DLEC1: variants seen among roughly 807,000 people sequenced by gnomAD.
DLEC1 encodes the protein deleted in lung and esophageal cancer protein 1.
A neutral mutation model predicts 198.1 loss-of-function variants in DLEC1; 146 were observed. The observed-to-expected ratio is 0.74, with a 90% CI of 0.64 to 0.85. The LOEUF (loss-of-function observed/expected upper bound fraction) is 0.85, where lower values mean the gene tolerates loss of function less well. DLEC1 is among the 40% of genes least tolerant of loss of function. The probability of loss-of-function intolerance (pLI) is 0.00; values close to 1 mark genes in which losing one functional copy is unlikely to be tolerated. For missense variants in DLEC1, 2,233 were observed against 2,220.0 expected, an observed-to-expected ratio of 1.01 and a Z score of -0.12; for synonymous variants, 897 against 866.8, an observed-to-expected ratio of 1.03 and a Z score of -0.61.
rs771910161 is a variant in DLEC1, at chr3:38,085,322, A to C, written c.1310A>C (p.Gln437Pro). The change falls in exon 8 of 37, where the codon CAG becomes CCG. Residue 437 changes from glutamine to proline, a missense_variant. Transcript: ENST00000308059. ...GGMVAPGMTC[Q>P]YIVQFFPDCL... Reference sequence around the variant, plus strand: ...ATGGTGGCTCCTGGAATGACCTGCCAGTACATTGTCCAGTTTTTTCCCGAC... The same window carrying C: ...ATGGTGGCTCCTGGAATGACCTGCCCGTACATTGTCCAGTTTTTTCCCGAC... 6.2e-7 allele frequency: 1 copy of C among 1,614,146 alleles called. No homozygotes were observed. Among genetic ancestry groups the C allele is most frequent in the Admixed American group, 1.7e-5 (1 of 60,026 alleles).
chr3:38,047,640 G>C (rs1700939909), intron 2 of DLEC1, among the ~76,000 whole-genome samples: 1 of 152,094 alleles, frequency 6.6e-6, no homozygotes, highest in Non-Finnish European at 1.5e-5. Context: ...TCTGTAATTA[G>C]TTCTAGAGAC....
intron 23 of DLEC1, 138 bp from the exon 24 acceptor site, chr3:38,111,539 C>G (rs1021001810): frequency 1.3e-6 from 1 of 751,134 alleles, no homozygotes; most frequent in African/African-American, 1.8e-5. Context: ...AACTGACCAG[C>G]TCTCCCCTGG....
chr3:38,067,354 G>A (rs1384578804), intron 6 of DLEC1, among the ~76,000 whole-genome samples: 2 of 152,220 alleles, frequency 1.3e-5, no homozygotes, highest in East Asian at 1.9e-4. Flanking sequence ...GTGGTACCAA[G>A]AGATCCAACA....
chr3:38,044,006 T>A (rs181890423), intron 1 of DLEC1, among the ~76,000 whole-genome samples: 1 of 152,256 alleles, frequency 6.6e-6, no homozygotes, highest in East Asian at 1.9e-4. Context: ...TGGTGGCTTG[T>A]GCCTGTAATC....
At chr3:38,108,630 G>A in intron 21 of DLEC1, 115 bp downstream of exon 21, 3 of 819,140 alleles carry the variant, frequency 3.7e-6, no homozygotes, top group South Asian at 3.1e-5. Flanking sequence ...TGTGGGTGGG[G>A]AAGAGATTTC....
chr3:38,055,911 A>G (rs1330494241), intron 2 of DLEC1, among the ~76,000 whole-genome samples: 2 of 152,218 alleles, frequency 1.3e-5, no homozygotes, highest in Non-Finnish European at 2.9e-5. Flanking sequence ...CTAAATGCCC[A>G]GTGAAGGAAA....
chr3:38,096,171 G>A (rs1699006996), intron 14 of DLEC1, among the ~76,000 whole-genome samples: 1 of 152,184 alleles, frequency 6.6e-6, no homozygotes, highest in South Asian at 2.1e-4. Context: ...AGGAACTTTG[G>A]AGCTGTGCCC....
chr3:38,111,725 C>A lies in DLEC1; in HGVS notation c.3492C>A (p.His1164Gln). The A allele has an allele frequency of 6.2e-7, 1 of 1,613,036 alleles. No individual in the cohort carries two copies. Among genetic ancestry groups the A allele is most frequent in the South Asian group, 1.1e-5 (1 of 91,018 alleles). Residue 1164 changes from histidine (H) to glutamine (Q), a missense_variant, in exon 24 of 37, where the codon CAC becomes CAA. Physicochemically the swap from His to Gln is conservative, Grantham distance 24. Transcript: ENST00000308059. ...ALLKTVRMQEHLAKREQLDFM... is the reference protein window; with the variant it reads ...ALLKTVRMQEQLAKREQLDFM... ...TAAAGACAGTGCGGATGCAAGAGCA[C>A]CTGGCCAAGCGAGAGCAGCTGGGTA...
intron 2 of DLEC1, among the ~76,000 whole-genome samples, chr3:38,057,414 C>T (rs765015624): frequency 4.5e-4 from 69 of 152,050 alleles, no homozygotes; most frequent in Non-Finnish European, 2.2e-4. Flanking sequence ...AGCGCTTGAA[C>T]CCAGGAAGCA....
Position 38,039,270 on chromosome 3 carries a change from G to A in DLEC1, c.45G>A (p.Arg15=), listed in dbSNP as rs375716356. ...SSKTRRSLAS[R]TNECQGTMWA... ...AAACGCGGAGGTCTTTAGCGTCCCG[G>A]ACCAACGAGTGCCAGGGGACAATGT... Residue 15 remains arginine, a synonymous_variant, in exon 1 of 37, where the codon CGG becomes CGA. Transcript: ENST00000308059. The A allele has an allele frequency of 1.2e-6, 2 of 1,613,848 alleles. No homozygotes were observed. Among genetic ancestry groups the A allele is most frequent in the South Asian group, 2.2e-5 (2 of 91,060 alleles).
intron 6 of DLEC1, among the ~76,000 whole-genome samples, chr3:38,076,606 G>A (rs1239707765): frequency 6.6e-6 from 1 of 152,080 alleles, no homozygotes; most frequent in Non-Finnish European, 1.5e-5. Flanking sequence ...CTTTTGTGGT[G>A]GAATGTCATC....
At chr3:38,081,895 AC>A (rs1231981892) in intron 6 of DLEC1, among the ~76,000 whole-genome samples, 190 of 64,214 alleles carry the variant, frequency 3.0e-3, no homozygotes, top group African/African-American at 6.7e-3. Flanking sequence ...CGGGGGGCTG[AC>A]CCCCCCCCAC....
rs1559430812 is a variant in DLEC1 at position 38,084,548 on chromosome 3, A to AGTAGTGGTTGTG, written c.1261+305_1261+306insAGTGGTTGTGGT. Among the ~76,000 whole-genome samples, 3 of 1,406 alleles carry AGTAGTGGTTGTG rather than the reference A, an allele frequency of 2.1e-3. 1 individual carries two copies. The highest frequency in any genetic ancestry group is 0.062 in the South Asian group (2 of 32). The allele number at this position is 1,406 out of a possible 152,430, so 0.9% of individuals were successfully genotyped here. ...TAGTAGTAGTGGTGGTGGTAGTAGT[A>AGTAGTGGTTGTG]GTGGTAGTAGTAGTGGTAGTAGTAG... On this transcript the variant is annotated intron_variant, in intron 7 of 36. Coordinates refer to ENST00000308059, the MANE Select transcript of DLEC1 (RefSeq NM_007335.4).
At chr3:38,093,909 C>T (rs1264114523) in intron 12 of DLEC1, 142 bp downstream of exon 12, 3 of 1,061,338 alleles carry the variant, frequency 2.8e-6, no homozygotes, top group Non-Finnish European at 4.1e-6. Flanking sequence ...TTGAGGGATC[C>T]AGATTGACCC....
chr3:38,122,519 C>T lies in DLEC1; in HGVS notation c.*107C>T, dbSNP rs1177944127. ...AGACACAGACTTGGGGACCTGGGGA[C>T]CTCTGGGCAGCTCCTGGAATGGAAG... On this transcript the variant is annotated 3_prime_UTR_variant, in exon 37 of 37. Transcript: ENST00000308059. The T allele has an allele frequency of 1.3e-5, 21 of 1,611,894 alleles. No individual in the cohort carries two copies. In the Admixed American group the frequency reaches 3.5e-4, roughly 27 times the overall value.
chr3:38,094,317 A>G (rs1435946342), intron 12 of DLEC1, among the ~76,000 whole-genome samples: 2 of 152,158 alleles, frequency 1.3e-5, no homozygotes, highest in Non-Finnish European at 1.5e-5. Flanking sequence ...GGGACCCCAG[A>G]CATTACACAG....
Position 38,053,023 on chromosome 3 carries a change from C to T in DLEC1, c.563-6719C>T, listed in dbSNP as rs552117128. Among the ~76,000 whole-genome samples, 18 of 152,340 alleles carry T rather than the reference C, an allele frequency of 1.2e-4. No homozygotes were observed. The East Asian group carries it at 1.7e-3, about 15-fold the overall frequency. ...GCCGGGCTGGTCTCCAGCTCCTAACCGCGAGTGATCTGCCAGCCTCGGCCT... is the reference window on the plus strand; with the variant it reads ...GCCGGGCTGGTCTCCAGCTCCTAACTGCGAGTGATCTGCCAGCCTCGGCCT... On this transcript the variant is annotated intron_variant, in intron 2 of 36. Coordinates refer to ENST00000308059, the MANE Select transcript of DLEC1 (RefSeq NM_007335.4).
chr3:38,085,897 G>A (rs1038065375), intron 8 of DLEC1, among the ~76,000 whole-genome samples: 5 of 152,150 alleles, frequency 3.3e-5, no homozygotes, highest in African/African-American at 1.2e-4. Context: ...GCTGGGCATA[G>A]GCTGGAATTT....
At chr3:38,089,687 C>T (rs1159090059) in intron 10 of DLEC1, among the ~76,000 whole-genome samples, 1 of 152,170 alleles carries the variant, frequency 6.6e-6, no homozygotes, top group East Asian at 1.9e-4. Flanking sequence ...CCCTGGACAT[C>T]CCCCTCATCC....
Sources: gnomAD v4.1 joint callset for allele counts (sites outside exome capture counted in the v4.1 genomes callset) on GRCh38, gnomAD v4.1.1 for gene constraint, MANE v1.5 for transcripts, NCBI Gene and HGNC (gene_info 2026-07-23, HGNC 2026-07-21) for gene names.